The following ACTR2 variants were observed in gnomAD, a reference collection of about 807,000 sequenced individuals.
ACTR2 encodes actin-related protein 2.
Under a neutral mutation model 50.2 loss-of-function variants are expected in ACTR2, and 5 were observed. That is an observed-to-expected ratio of 0.10 (90% CI 0.05 to 0.21). ACTR2 has a LOEUF of 0.21. Among genes scored for constraint, ACTR2 ranks in the 10% least tolerant of loss-of-function variants. The pLI is 1.00. For synonymous variants in ACTR2, 140 were observed against 162.9 expected, an observed-to-expected ratio of 0.86 and a Z score of 1.07; for missense variants, 180 against 480.6, an observed-to-expected ratio of 0.37 and a Z score of 5.85.
chr2:65,257,481 G>C (rs973811238), intron 6 of ACTR2, among the ~76,000 whole-genome samples: 1 of 152,072 alleles, frequency 6.6e-6, no homozygotes, highest in Admixed American at 6.6e-5. Flanking sequence ...GGGATCGCTG[G>C]GTCAAATGGT....
At chr2:65,261,844 A>G (rs1314617482) in intron 7 of ACTR2, among the ~76,000 whole-genome samples, 1 of 152,008 alleles carries the variant, frequency 6.6e-6, no homozygotes, top group Non-Finnish European at 1.5e-5. Flanking sequence ...ACTAATTCAC[A>G]CTCCCACCAG....
At chr2:65,260,760 C>T (rs1203376352) in intron 6 of ACTR2, among the ~76,000 whole-genome samples, 39 of 139,670 alleles carry the variant, frequency 2.8e-4, no homozygotes, top group African/African-American at 9.6e-4. Flanking sequence ...GATGGAGTCT[C>T]GCTCTATTGC....
intron 2 of ACTR2, among the ~76,000 whole-genome samples, chr2:65,241,789 T>C (rs1281787680): frequency 6.6e-6 from 1 of 152,196 alleles, no homozygotes; most frequent in Non-Finnish European, 1.5e-5. Flanking sequence ...ACTTTTTGTG[T>C]CTTGTTAGCT....
At chr2:65,247,553 A>G (rs1671962536) in intron 3 of ACTR2, among the ~76,000 whole-genome samples, 1 of 152,074 alleles carries the variant, frequency 6.6e-6, no homozygotes, top group Non-Finnish European at 1.5e-5. Flanking sequence ...GTGCCACTGC[A>G]CTCCAGCCTG....
intron 7 of ACTR2, among the ~76,000 whole-genome samples, chr2:65,262,394 A>ATTTTTTTTTTTT (rs959959939): frequency 1.5e-5 from 2 of 137,540 alleles, no homozygotes; most frequent in African/African-American, 2.7e-5. Context: ...CATGCCCAGA[A>ATTTTTTTTTTTT]TTTTTTTTTT....
intron 8 of ACTR2, among the ~76,000 whole-genome samples, chr2:65,268,226 G>A (rs566082550): frequency 1.3e-5 from 2 of 152,096 alleles, no homozygotes; most frequent in Non-Finnish European, 2.9e-5. Context: ...CTCTAATTAT[G>A]TCTTGGATGT....
chr2:65,268,869 G>C lies in ACTR2; in HGVS notation c.*135G>C, dbSNP rs1672434314. 1.1e-6 allele frequency: 1 copy of C among 948,282 alleles called. No individual in the cohort carries two copies. The highest frequency in any genetic ancestry group is 1.6e-6 in the Non-Finnish European group (1 of 637,880). The allele number at this position is 948,282 out of a possible 1,614,324, so 58.7% of individuals were successfully genotyped here. A position where few individuals can be genotyped will look rare whatever the true frequency, so the allele number is the denominator to read the frequency against. ...GACTGGAAAGGTCAAGTTTTATTCT[G>C]GTGTCTTGGGGAAGCTTTGTTAAAT... On this transcript the variant is annotated 3_prime_UTR_variant, in exon 9 of 9. Coordinates refer to ENST00000260641, the MANE Select transcript of ACTR2 (RefSeq NM_005722.4).
intron 2 of ACTR2, among the ~76,000 whole-genome samples, chr2:65,240,738 A>G (rs557150137): frequency 2.6e-5 from 4 of 152,338 alleles, no homozygotes; most frequent in African/African-American, 7.2e-5. Flanking sequence ...ACAGAATGCC[A>G]TAGAATTTAG....
intron 2 of ACTR2, chr2:65,242,069 T>G: frequency 6.3e-7 from 1 of 1,599,212 alleles, no homozygotes; most frequent in Non-Finnish European, 8.6e-7. Context: ...AGATGGTAAG[T>G]GAGGTTACAC....
intron 1 of ACTR2, among the ~76,000 whole-genome samples, chr2:65,229,598 A>G (rs1349260070): frequency 2.0e-5 from 3 of 152,052 alleles, no homozygotes; most frequent in Non-Finnish European, 4.4e-5. Context: ...TCTACTAAAA[A>G]TACAAAAATT....
intron 2 of ACTR2, among the ~76,000 whole-genome samples, chr2:65,244,451 CA>C (rs1671897558): frequency 1.3e-5 from 2 of 152,132 alleles, no homozygotes; most frequent in Non-Finnish European, 2.9e-5. Context: ...GTATATCCAT[CA>C]CCTGGATTCT....
chr2:65,237,359 G>T (rs1436193231), intron 1 of ACTR2, among the ~76,000 whole-genome samples: 1 of 151,968 alleles, frequency 6.6e-6, no homozygotes, highest in Non-Finnish European at 1.5e-5. Flanking sequence ...TCAGTCTCTG[G>T]AATAGCTGGG....
At chr2:65,228,060 G>A in intron 1 of ACTR2, 103 bp downstream of exon 1, 2 of 1,129,312 alleles carry the variant, frequency 1.8e-6, no homozygotes, top group South Asian at 2.1e-5. Context: ...CGGGCCCTCG[G>A]GGCGAAGGGG....
intron 6 of ACTR2, among the ~76,000 whole-genome samples, chr2:65,260,560 A>G (rs1438637261): frequency 6.6e-6 from 1 of 152,218 alleles, no homozygotes; most frequent in Non-Finnish European, 1.5e-5. Flanking sequence ...AGAAATATCC[A>G]TAAAATCACA....
rs544712156 is a variant in ACTR2, at chr2:65,253,984, A to G, written c.585+120A>G. ...TCTGTACCACTAGAGAAATTATCCA[A>G]TTACCTCCCTTATTTATATAAAAAT... On this transcript the variant is annotated intron_variant, in intron 5 of 8. Transcript: ENST00000260641. The G allele has an allele frequency of 1.2e-4, 88 of 708,392 alleles. 1 individual carries two copies. The highest frequency in any genetic ancestry group is 3.1e-4 in the East Asian group (11 of 35,672). The allele number at this position is 708,392 out of a possible 1,614,324, so 43.9% of individuals were successfully genotyped here.
intron 4 of ACTR2, 22 bp downstream of exon 4, chr2:65,251,121 G>C: frequency 6.6e-7 from 1 of 1,524,868 alleles, no homozygotes; most frequent in African/African-American, 1.4e-5. Context: ...TTAACTGTTA[G>C]AAAAAACACT....
intron 6 of ACTR2, among the ~76,000 whole-genome samples, chr2:65,257,349 T>C (rs985182317): frequency 2.6e-5 from 4 of 152,258 alleles, no homozygotes; most frequent in Non-Finnish European, 5.9e-5. Context: ...CAGTCTAACG[T>C]TGATGGGCAT....
intron 7 of ACTR2, among the ~76,000 whole-genome samples, chr2:65,262,168 A>G (rs13019636): frequency 0.33 from 49,741 of 152,024 alleles, 8,840 homozygotes; most frequent in East Asian, 0.72. Flanking sequence ...ATATATTCTC[A>G]CATTCTATAG....
intron 1 of ACTR2, among the ~76,000 whole-genome samples, chr2:65,234,060 G>A (rs1331098917): frequency 6.6e-6 from 1 of 151,978 alleles, no homozygotes; most frequent in Non-Finnish European, 1.5e-5. Context: ...ACAGGTGTGT[G>A]TCACCACGCC....
Sources: allele counts gnomAD v4.1 joint callset (sites outside exome capture counted in the v4.1 genomes callset), GRCh38; gene constraint gnomAD v4.1.1; transcripts MANE v1.5; gene names NCBI Gene and HGNC (gene_info 2026-07-23, HGNC 2026-07-21).